Variants in FAM184B observed in about 807,000 individuals in gnomAD.
FAM184B encodes protein FAM184B.
Under a neutral mutation model 135.9 loss-of-function variants are expected in FAM184B, and 111 were observed. The ratio of observed to expected loss-of-function variants is 0.82; its 90% CI spans 0.70 to 0.96. The LOEUF is 0.96. Among genes scored for constraint, FAM184B ranks in the 40% least tolerant of loss-of-function variants. The probability of loss-of-function intolerance (pLI) is 0.00; values close to 1 mark genes in which losing one functional copy is unlikely to be tolerated. For synonymous variants in FAM184B, 552 were observed against 524.8 expected, an observed-to-expected ratio of 1.05 and a Z score of -0.71; for missense variants, 1,375 against 1,323.9, an observed-to-expected ratio of 1.04 and a Z score of -0.60.
At chr4:17,647,308 T>C (rs1326006789) in intron 12 of FAM184B, among the ~76,000 whole-genome samples, 2 of 150,446 alleles carry the variant, frequency 1.3e-5, no homozygotes, top group Admixed American at 6.6e-5. Context: ...GCTAGAGTAC[T>C]GTGGCACAAT....
intron 11 of FAM184B, among the ~76,000 whole-genome samples, chr4:17,649,888 C>A (rs552022050): frequency 1.1e-4 from 16 of 151,106 alleles, no homozygotes; most frequent in Non-Finnish European, 2.4e-4. Flanking sequence ...ATCCACCCAT[C>A]TATCTGTCTA....
Position 17,688,467 on chromosome 4 carries a change from G to A in FAM184B, c.1553C>T (p.Pro518Leu). ...KTRPTGAEES[P>L]QELGRQHCSI... ...GCAGTGCTGGCGGCCTAATTCCTGG[G>A]GACTTTCCTCAGCTCCTGTGGGGCG... The change falls in exon 7 of 18, where the codon CCC becomes CTC. Residue 518 changes from proline to leucine, a missense_variant. Coordinates refer to ENST00000265018, the MANE Select transcript of FAM184B (RefSeq NM_015688.2). 1 of 1,551,022 alleles carries A rather than the reference G, an allele frequency of 6.4e-7. No individual in the cohort carries two copies.
chr4:17,708,944 C>T lies in FAM184B; in HGVS notation c.842G>A (p.Arg281His). 5 of 1,546,412 alleles carry T rather than the reference C, an allele frequency of 3.2e-6. No homozygotes were observed. The highest frequency in any genetic ancestry group is 3.5e-6 in the Non-Finnish European group (4 of 1,144,660). The change falls in exon 2 of 18, where the codon CGC becomes CAC. Residue 281 changes from arginine (R) to histidine (H), a missense_variant. Transcript: ENST00000265018. ...KLEGDLEHRG[R>H]KISDLKKYAQ... is the part of the protein sequence containing the mutation. ...GTACTTCTTCAGGTCACTTATCTTG[C>T]GGCCTCTGTGCTCCAGGTCTCCTTC...
At chr4:17,658,768 AAG>A (rs557874333) in intron 9 of FAM184B, among the ~76,000 whole-genome samples, 124 of 152,298 alleles carry the variant, frequency 8.1e-4, no homozygotes, top group Non-Finnish European at 1.5e-3. Context: ...GAAGGAGGAA[AAG>A]AGGGGTGGGG....
At chr4:17,711,275 T>C (rs930464082) in intron 1 of FAM184B, among the ~76,000 whole-genome samples, 2 of 150,760 alleles carry the variant, frequency 1.3e-5, no homozygotes, top group African/African-American at 4.9e-5. Flanking sequence ...GGTCAGGAGT[T>C]CGAGACCAGG....
At chr4:17,642,034 C>CG in intron 13 of FAM184B, 22 bp downstream of exon 13, 2 of 1,512,678 alleles carry the variant, frequency 1.3e-6, no homozygotes, top group Non-Finnish European at 1.8e-6. Flanking sequence ...GGCGCGGTGG[C>CG]GGGGCGCGCC....
chr4:17,741,979 T>C lies in FAM184B; in HGVS notation c.142-32335A>G, dbSNP rs139349414. 4.1e-3 allele frequency among the ~76,000 whole-genome samples: 627 copies of C among 151,996 alleles called. 7 individuals are homozygous for C. The highest frequency in any genetic ancestry group is 0.015 in the African/African-American group (605 of 41,478). ...AATAAGAGTTGCTAATCAATAGAAG[T>C]TTCAGCCAACAAACATAATTAACTG... On this transcript the variant is annotated intron_variant, in intron 1 of 17. Transcript: ENST00000265018.
rs1267171532 is a variant in FAM184B at position 17,693,333 on chromosome 4, A to T, written c.1457T>A (p.Leu486His). 9 of 1,551,504 alleles carry T rather than the reference A, an allele frequency of 5.8e-6. No individual in the cohort carries two copies. In the South Asian group the frequency reaches 9.5e-5, roughly 16 times the overall value. ...CAGAGAATTCTGAAGCTTCACATTG[A>T]GGGCTGCTTTCTCTTCTTCCAGCTG... The part of the protein sequence containing the change: ...IKQLEEEKAA[L>H]NVKLQNSLLE... Residue 486 changes from leucine (L) to histidine (H), a missense_variant, in exon 6 of 18, where the codon CTC becomes CAC. Coordinates refer to ENST00000265018, the MANE Select transcript of FAM184B (RefSeq NM_015688.2).
At chr4:17,650,282 A>G (rs1715579421) in intron 11 of FAM184B, among the ~76,000 whole-genome samples, 1 of 151,916 alleles carries the variant, frequency 6.6e-6, no homozygotes, top group African/African-American at 2.4e-5. Flanking sequence ...ATAGTATTGC[A>G]GGTCAGTTGT....
At chr4:17,649,681 C>G (rs6844984) in intron 11 of FAM184B, among the ~76,000 whole-genome samples, 89,916 of 151,830 alleles carry the variant, frequency 0.59, 27,313 homozygotes, top group East Asian at 0.89. Flanking sequence ...CCAAACATAA[C>G]CCCATTTTTT....
At chr4:17,684,171 A>T (rs1195864205) in intron 7 of FAM184B, among the ~76,000 whole-genome samples, 1 of 144,380 alleles carries the variant, frequency 6.9e-6, no homozygotes, top group Non-Finnish European at 1.5e-5. Flanking sequence ...TATAATATAA[A>T]ATAAAATAAT....
intron 7 of FAM184B, among the ~76,000 whole-genome samples, chr4:17,666,238 G>A (rs1356764816): frequency 6.6e-6 from 1 of 151,410 alleles, no homozygotes; most frequent in Non-Finnish European, 1.5e-5. Flanking sequence ...CTGATACAAT[G>A]TAAAGTCCTT....
chr4:17,757,595 T>G (rs750898655), intron 1 of FAM184B, among the ~76,000 whole-genome samples: 8 of 152,144 alleles, frequency 5.3e-5, no homozygotes, highest in Admixed American at 1.3e-4. Flanking sequence ...ACTTCTGAGA[T>G]CGATATAAAA....
At chr4:17,671,040 A>G (rs556698622) in intron 7 of FAM184B, among the ~76,000 whole-genome samples, 1 of 152,296 alleles carries the variant, frequency 6.6e-6, no homozygotes. Flanking sequence ...CCCAATAAGC[A>G]TATCAATTCA....
At chr4:17,673,246 A>C (rs774557701) in intron 7 of FAM184B, among the ~76,000 whole-genome samples, 12 of 152,156 alleles carry the variant, frequency 7.9e-5, no homozygotes, top group Non-Finnish European at 1.5e-4. Context: ...TATTCCTGCA[A>C]GAATGGCCAT....
At chr4:17,701,938 A>C (rs982860995) in intron 5 of FAM184B, among the ~76,000 whole-genome samples, 2 of 152,250 alleles carry the variant, frequency 1.3e-5, no homozygotes, top group African/African-American at 4.8e-5. Flanking sequence ...CTGAAATTTA[A>C]ATTTTATTTG....
intron 7 of FAM184B, among the ~76,000 whole-genome samples, chr4:17,687,593 T>C (rs532649452): frequency 1.3e-5 from 2 of 152,094 alleles, no homozygotes; most frequent in Non-Finnish European, 2.9e-5. Context: ...CATGCTGTAG[T>C]AGAGTGGGCC....
chr4:17,714,652 G>A (rs1717367958), intron 1 of FAM184B, among the ~76,000 whole-genome samples: 1 of 152,168 alleles, frequency 6.6e-6, no homozygotes, highest in African/African-American at 2.4e-5. Context: ...AGCCATGCTC[G>A]GGGCTATGAT....
intron 7 of FAM184B, among the ~76,000 whole-genome samples, chr4:17,688,001 G>A (rs958065610): frequency 2.6e-5 from 4 of 152,170 alleles, no homozygotes; most frequent in Non-Finnish European, 5.9e-5. Context: ...TGAAACGGCA[G>A]GTTCACGGAC....
Sources: allele counts gnomAD v4.1 joint callset (sites outside exome capture counted in the v4.1 genomes callset), GRCh38; gene constraint gnomAD v4.1.1; transcripts MANE v1.5; gene names NCBI Gene and HGNC (gene_info 2026-07-23, HGNC 2026-07-21).